RHEBL1: variants seen among roughly 807,000 people sequenced by gnomAD.
RHEBL1 encodes the protein GTPase RhebL1.
Under a neutral mutation model 27.4 loss-of-function variants are expected in RHEBL1, and 22 were observed. The ratio of observed to expected loss-of-function variants is 0.80; its 90% CI spans 0.57 to 1.15. The LOEUF (loss-of-function observed/expected upper bound fraction) is 1.15. RHEBL1 is among the 50% of genes most tolerant of loss of function. RHEBL1 has a pLI of 0.00. For synonymous variants in RHEBL1, 85 were observed against 80.8 expected (o/e 1.05, Z -0.28); for missense variants, 186 against 226.5 (o/e 0.82, Z 1.15).
Position 49,065,053 on chromosome 12 carries a change from A to G in RHEBL1, c.*50T>C, listed in dbSNP as rs1938972807. On this transcript the variant is annotated 3_prime_UTR_variant, in exon 8 of 8. Coordinates refer to ENST00000301068, the MANE Select transcript of RHEBL1 (RefSeq NM_144593.3). ...CTGAGGATCTGCCCCCCACTGGAAC[A>G]TGGCAAGTGCCGGGGGCAGAAGCAA... 7.3e-7 allele frequency: 1 copy of G among 1,365,518 alleles called. No homozygotes were observed. The highest frequency in any genetic ancestry group is 2.3e-5 in the East Asian group (1 of 43,616). The allele number at this position is 1,365,518 out of a possible 1,614,324, so 84.6% of individuals were successfully genotyped here. A position where few individuals can be genotyped will look rare whatever the true frequency, so the allele number is the denominator to read the frequency against.
rs893051901 is a variant in RHEBL1, at chr12:49,069,641, C to A, written c.52+93G>T. 30 of 1,104,584 alleles carry A rather than the reference C, an allele frequency of 2.7e-5. No homozygotes were observed. The African/African-American group carries it at 4.3e-4, about 16-fold the overall frequency. 68.4% of individuals were successfully genotyped at this position (1,104,584 alleles called of 1,614,324 possible). ...CTCTACAACCCCATCCTTACGATGT[C>A]ATCATTCCTCCCTGGGTCGCGTTCC... On this transcript the variant is annotated intron_variant, in intron 1 of 7. Coordinates refer to ENST00000301068, the MANE Select transcript of RHEBL1 (RefSeq NM_144593.3).
At chr12:49,067,161 G>A (rs1939012257) in intron 2 of RHEBL1, 126 bp from the exon 3 acceptor site, 1 of 637,114 alleles carries the variant, frequency 1.6e-6, no homozygotes, top group Non-Finnish European at 2.7e-6. Context: ...GGGCTGCAGT[G>A]GCATGATCTC....
In RHEBL1 at chr12:49,066,262, C is replaced by T; in HGVS notation, c.349G>A (p.Val117Met). ...GGAGAGAGATCTGCCTTGTTCCCCA[C>T]TAGAACCACTGGCACCCTGTGAGGA... ...HGKTRVPVVLVGNKADLSPER... is the reference protein window; with the variant it reads ...HGKTRVPVVLMGNKADLSPER... The change falls in exon 6 of 8, where the codon GTG becomes ATG. Residue 117 changes from valine to methionine, a missense_variant. This residue lies in a region of RHEBL1 where 90 missense variants were observed against 95.2 expected (regional missense o/e 0.95). Coordinates refer to ENST00000301068, the MANE Select transcript of RHEBL1 (RefSeq NM_144593.3). 3 of 1,614,066 alleles carry T rather than the reference C, an allele frequency of 1.9e-6. No homozygotes were observed. The highest frequency in any genetic ancestry group is 2.5e-6 in the Non-Finnish European group (3 of 1,179,928).
chr12:49,069,497 TG>T (rs1939052334), intron 1 of RHEBL1, among the ~76,000 whole-genome samples: 1 of 65,114 alleles, frequency 1.5e-5, no homozygotes, highest in Admixed American at 1.5e-4. Context: ...GGGACCACTC[TG>T]AGATTCCCGC....
At chr12:49,068,926 TA>T in intron 2 of RHEBL1, 108 bp downstream of exon 2, 1 of 1,163,502 alleles carries the variant, frequency 8.6e-7, no homozygotes. Context: ...ATGTAATGTC[TA>T]AATAAATCAG....
At chr12:49,066,777 G>A in intron 3 of RHEBL1, 76 bp from the exon 4 acceptor site, 1 of 1,396,866 alleles carries the variant, frequency 7.2e-7, no homozygotes, top group South Asian at 1.2e-5. Context: ...CAACATCCAG[G>A]TGACCCTCCC....
chr12:49,068,950 A>C, intron 2 of RHEBL1, 85 bp downstream of exon 2: 3 of 1,399,392 alleles, frequency 2.1e-6, no homozygotes, highest in Non-Finnish European at 2.0e-6. Context: ...CCTTGGCACC[A>C]GAGAAATAAA....
At position 49,064,932 on chromosome 12, in the gene RHEBL1, AG is replaced by A. The variant is rs1162097271; in HGVS notation, c.*170del. 2 of 606,570 alleles carry A rather than the reference AG, an allele frequency of 3.3e-6. No individual in the cohort carries two copies. Among genetic ancestry groups the A allele is most frequent in the Admixed American group, 5.7e-5 (2 of 35,374 alleles). The allele number at this position is 606,570 out of a possible 1,614,324, so 37.6% of individuals were successfully genotyped here. On this transcript the variant is annotated 3_prime_UTR_variant, in exon 8 of 8. Transcript: ENST00000301068. Reference sequence around the variant, plus strand: ...TGCCCCTTTGTAAACATTGACATCCAGGCCACTGGAGCCTGGGGAAAGTGTG... The same window carrying A: ...TGCCCCTTTGTAAACATTGACATCCAGCCACTGGAGCCTGGGGAAAGTGTG...
chr12:49,069,006 C>A (rs1939042971), intron 2 of RHEBL1, 29 bp downstream of exon 2: 17 of 1,600,524 alleles, frequency 1.1e-5, no homozygotes, highest in East Asian at 2.3e-5. Context: ...TCGCATACCA[C>A]CAGCACACTA....
intron 1 of RHEBL1, 98 bp downstream of exon 1, chr12:49,069,636 G>A: frequency 1.9e-6 from 2 of 1,049,848 alleles, no homozygotes; most frequent in Non-Finnish European, 3.0e-6. Context: ...CCATCCTTAC[G>A]ATGTCATCAT....
At position 49,066,496 on chromosome 12, in the gene RHEBL1, A is replaced by C. The variant is rs745796190; in HGVS notation, c.312T>G (p.His104Gln). 6.2e-7 allele frequency: 1 copy of C among 1,613,848 alleles called. No individual in the cohort carries two copies. The highest frequency in any genetic ancestry group is 1.3e-5 in the African/African-American group (1 of 74,894). ...QVIESLYQKL[H>Q]EGHGKTRVPV... ...CTTACCGGGTTTTCCCATGGCCTTC[A>C]TGTAGCTTTTGGTACAGACTCTCAA... The change falls in exon 5 of 8, where the codon CAT becomes CAG. Residue 104 changes from histidine (H) to glutamine (Q), a missense_variant. Physicochemically the swap from His to Gln is conservative, Grantham distance 24 (BLOSUM62 0). This residue lies in a region of RHEBL1 where 34 missense variants were observed against 69.3 expected (regional missense o/e 0.49). Transcript: ENST00000301068.
Position 49,065,084 on chromosome 12 carries a change from T to C in RHEBL1, c.*19A>G. The C allele has an allele frequency of 6.3e-7, 1 of 1,589,552 alleles. No individual in the cohort carries two copies. The highest frequency in any genetic ancestry group is 8.6e-7 in the Non-Finnish European group (1 of 1,157,672). On this transcript the variant is annotated 3_prime_UTR_variant, in exon 8 of 8. Coordinates refer to ENST00000301068, the MANE Select transcript of RHEBL1 (RefSeq NM_144593.3). Reference sequence around the variant, plus strand: ...AGTGCCGGGGGCAGAAGCAAGGCAGTTACCCCACACCCAAGGGCTCACATG... The same window carrying C: ...AGTGCCGGGGGCAGAAGCAAGGCAGCTACCCCACACCCAAGGGCTCACATG...
chr12:49,065,031 A>C lies in RHEBL1; in HGVS notation c.*72T>G. 9.0e-7 allele frequency: 1 copy of C among 1,115,976 alleles called. No individual in the cohort carries two copies. The highest frequency in any genetic ancestry group is 1.4e-6 in the Non-Finnish European group (1 of 727,610). The allele number at this position is 1,115,976 out of a possible 1,614,324, so 69.1% of individuals were successfully genotyped here. A position where few individuals can be genotyped will look rare whatever the true frequency, so the allele number is the denominator to read the frequency against. ...TGGCAACCATACCCGTGAAGTCCTG[A>C]GGATCTGCCCCCCACTGGAACATGG... On this transcript the variant is annotated 3_prime_UTR_variant, in exon 8 of 8. Transcript: ENST00000301068.
rs1043048412 is a variant in RHEBL1, at chr12:49,069,913, T to C, written c.-128A>G. On this transcript the variant is annotated 5_prime_UTR_variant, in exon 1 of 8. Coordinates refer to ENST00000301068, the MANE Select transcript of RHEBL1 (RefSeq NM_144593.3). The stretch of plus-strand genomic sequence containing the variant: ...CACCCCGAAGCTGCCGTGGGCAAGT[T>C]AGAAGGAAACCAAAACAAGCGCCGC... The C allele has an allele frequency of 2.6e-6, 2 of 775,612 alleles. No individual in the cohort carries two copies. Among genetic ancestry groups the C allele is most frequent in the African/African-American group, 1.7e-5 (1 of 57,598 alleles). 48.0% of individuals were successfully genotyped at this position (775,612 alleles called of 1,614,324 possible). A position where few individuals can be genotyped will look rare whatever the true frequency, so the allele number is the denominator to read the frequency against.
At position 49,065,145 on chromosome 12, in the gene RHEBL1, C is replaced by T; in HGVS notation, c.510G>A (p.Val170=). The T allele has an allele frequency of 1.2e-6, 2 of 1,614,190 alleles. No homozygotes were observed. The highest frequency in any genetic ancestry group is 4.5e-5 in the East Asian group (2 of 44,882). ...GACGCTCTTGCCCATAGGAATTCTCCACACGGGCAATCTCCTGGATGACTT... is the reference window on the plus strand; with the variant it reads ...GACGCTCTTGCCCATAGGAATTCTCTACACGGGCAATCTCCTGGATGACTT... ...FTKVIQEIAR[V]ENSYGQERRC... Residue 170 remains valine (V), a synonymous_variant, in exon 8 of 8, where the codon GTG becomes GTA. Coordinates refer to ENST00000301068, the MANE Select transcript of RHEBL1 (RefSeq NM_144593.3).
rs762793229 is a variant in RHEBL1, at chr12:49,065,123, G to A, written c.532C>T (p.Arg178Cys). The stretch of plus-strand genomic sequence containing the variant: ...AGGGCTCACATGAGATGGCAGCGAC[G>A]CTCTTGCCCATAGGAATTCTCCACA... ...ARVENSYGQERRCHLM is the reference protein window; with the variant it reads ...ARVENSYGQECRCHLM Residue 178 changes from arginine to cysteine, a missense_variant, in exon 8 of 8, where the codon CGT becomes TGT. Around this residue, in one of 3 missense-constraint regions of RHEBL1, gnomAD observed 90 missense variants for 95.2 expected, o/e 0.95. Transcript: ENST00000301068. The A allele has an allele frequency of 3.7e-6, 6 of 1,613,634 alleles. No individual in the cohort carries two copies. Among genetic ancestry groups the A allele is most frequent in the East Asian group, 2.2e-5 (1 of 44,886 alleles).
chr12:49,066,526 T>C lies in RHEBL1; in HGVS notation c.282A>G (p.Gln94=). The change falls in exon 5 of 8, where the codon CAA becomes CAG. Residue 94 remains glutamine, a synonymous_variant. Transcript: ENST00000301068. ...VYSVTSLHSF[Q]VIESLYQKLH... is the part of the protein sequence containing the mutation. The stretch of plus-strand genomic sequence containing the variant: ...GCTTTTGGTACAGACTCTCAATGAC[T>C]TGGAAGCTTTAAACACAAGAATTGG... The C allele has an allele frequency of 6.2e-7, 1 of 1,614,128 alleles. No individual in the cohort carries two copies.
At position 49,069,824 on chromosome 12, in the gene RHEBL1, T is replaced by C. The variant is rs1939060336; in HGVS notation, c.-39A>G. 1 of 1,598,220 alleles carries C rather than the reference T, an allele frequency of 6.3e-7. No individual in the cohort carries two copies. Among genetic ancestry groups the C allele is most frequent in the Non-Finnish European group, 8.6e-7 (1 of 1,166,614 alleles). On this transcript the variant is annotated 5_prime_UTR_variant, in exon 1 of 8. Transcript: ENST00000301068. The stretch of plus-strand genomic sequence containing the variant: ...CCCAGGGGCTTGCGGAACTGCGGGC[T>C]CAGAGAGCCCGAAAACGAGGTCAGG...
chr12:49,065,632 A>T (rs1938984121), intron 6 of RHEBL1, among the ~76,000 whole-genome samples: 3 of 149,044 alleles, frequency 2.0e-5, no homozygotes, highest in South Asian at 2.1e-4. Context: ...CATCTCTATT[A>T]AAAAAAAAAT....
Sources: allele counts gnomAD v4.1 joint callset (sites outside exome capture counted in the v4.1 genomes callset), GRCh38; gene constraint gnomAD v4.1.1; regional missense constraint gnomAD v4.1.1; transcripts MANE v1.5; gene names NCBI Gene and HGNC (gene_info 2026-07-23, HGNC 2026-07-21).